MLLT10: variants seen among roughly 807,000 people sequenced by gnomAD.
MLLT10 encodes the protein protein AF-10.
A neutral mutation model predicts 129.1 loss-of-function variants in MLLT10; 30 were observed. That is an observed-to-expected ratio of 0.23 (90% CI 0.17 to 0.32). The LOEUF (loss-of-function observed/expected upper bound fraction) is 0.32. Among genes scored for constraint, MLLT10 ranks in the 10% least tolerant of loss-of-function variants. MLLT10 has a pLI of 1.00. For missense variants in MLLT10, 1,119 were observed against 1,268.3 expected, an observed-to-expected ratio of 0.88 and a Z score of 1.79; for synonymous variants, 490 against 446.4, an observed-to-expected ratio of 1.10 and a Z score of -1.23.
intron 3 of MLLT10, among the ~76,000 whole-genome samples, chr10:21,581,373 G>A (rs139212221): frequency 9.2e-4 from 139 of 151,678 alleles, no homozygotes; most frequent in African/African-American, 3.0e-3. Context: ...CATAGAAAAG[G>A]TACAGCTAAA....
intron 8 of MLLT10, among the ~76,000 whole-genome samples, chr10:21,622,716 G>A (rs1421264817): frequency 1.3e-5 from 2 of 152,138 alleles, no homozygotes; most frequent in African/African-American, 2.4e-5. Flanking sequence ...AAACGTGTGG[G>A]TTATTTTCTA....
At chr10:21,544,764 A>G (rs1186716409) in intron 3 of MLLT10, among the ~76,000 whole-genome samples, 2 of 152,208 alleles carry the variant, frequency 1.3e-5, no homozygotes, top group African/African-American at 4.8e-5. Flanking sequence ...ATTAATAAAT[A>G]TTAGAGCAGT....
At chr10:21,558,828 CTTT>C (rs2038419714) in intron 3 of MLLT10, among the ~76,000 whole-genome samples, 1 of 151,966 alleles carries the variant, frequency 6.6e-6, no homozygotes, top group African/African-American at 2.4e-5. Context: ...ACTTTGTGTT[CTTT>C]TTATGTGCCT....
At chr10:21,617,231 A>G in intron 8 of MLLT10, 24 bp downstream of exon 8, 1 of 1,352,298 alleles carries the variant, frequency 7.4e-7, no homozygotes, top group Non-Finnish European at 9.9e-7. Context: ...TTGTTGCTAA[A>G]TTTGTAGCAC....
Position 21,713,911 on chromosome 10 carries a change from A to G in MLLT10, c.1839A>G (p.Ser613=), listed in dbSNP as rs1012793633. The change falls in exon 14 of 23, where the codon TCA becomes TCG. Residue 613 remains serine (S), a synonymous_variant. Transcript: ENST00000307729. ...HLQQVGALSP[S]AVSSAAPAVA... Reference sequence around the variant, plus strand: ...AACAAGTAGGAGCGCTCTCTCCCTCAGCTGTGTCATCTGCAGCCCCTGCTG... The same window carrying G: ...AACAAGTAGGAGCGCTCTCTCCCTCGGCTGTGTCATCTGCAGCCCCTGCTG... 6.2e-7 allele frequency: 1 copy of G among 1,613,712 alleles called. No individual in the cohort carries two copies. The highest frequency in any genetic ancestry group is 8.5e-7 in the Non-Finnish European group (1 of 1,179,882).
At chr10:21,624,251 G>T (rs2046191806) in intron 8 of MLLT10, among the ~76,000 whole-genome samples, 1 of 151,956 alleles carries the variant, frequency 6.6e-6, no homozygotes, top group Non-Finnish European at 1.5e-5. Flanking sequence ...ATCTATCCTA[G>T]ATCCAAAAAA....
Position 21,674,541 on chromosome 10 carries a change from G to GA in MLLT10, c.1621+623dup, listed in dbSNP as rs369435986. On this transcript the variant is annotated intron_variant, in intron 11 of 22. Transcript: ENST00000307729. ...CTTTTTATTATAAGACAAGTGAGTT[G>GA]ATATACATTGTTATTCACACTATTG... is the stretch of plus-strand genomic sequence containing the variant. Among the ~76,000 whole-genome samples, 49 of 152,154 alleles carry GA rather than the reference G, an allele frequency of 3.2e-4. 2 individuals carry two copies. Among genetic ancestry groups the GA allele is most frequent in the African/African-American group, 1.1e-3 (46 of 41,522 alleles).
intron 8 of MLLT10, chr10:21,624,794 C>G: frequency 9.3e-7 from 1 of 1,073,154 alleles, no homozygotes; most frequent in South Asian, 1.5e-5. Flanking sequence ...ACATTGTCCC[C>G]TGATTGCCCT....
intron 3 of MLLT10, among the ~76,000 whole-genome samples, chr10:21,547,361 G>A (rs1404418530): frequency 6.7e-6 from 1 of 149,152 alleles, no homozygotes; most frequent in Admixed American, 6.7e-5. Context: ...TTTTTCCCTC[G>A]CACAATCTAT....
chr10:21,563,847 TTGTCGCCCAGGC>T (rs1246828292), intron 3 of MLLT10, among the ~76,000 whole-genome samples: 1 of 150,572 alleles, frequency 6.6e-6, no homozygotes, highest in Admixed American at 6.6e-5. Flanking sequence ...GAGTCTTGCT[TTGTCGCCCAGGC>T]TGGAGTGTGG....
intron 5 of MLLT10, among the ~76,000 whole-genome samples, chr10:21,608,920 T>G (rs1215321499): frequency 6.6e-6 from 1 of 152,220 alleles, no homozygotes; most frequent in Non-Finnish European, 1.5e-5. Context: ...GTGTTCTTTA[T>G]TTTTTAATTT....
At chr10:21,586,724 T>C (rs2042018937) in intron 4 of MLLT10, among the ~76,000 whole-genome samples, 1 of 152,112 alleles carries the variant, frequency 6.6e-6, no homozygotes, top group East Asian at 1.9e-4. Context: ...TGGTTTCTAC[T>C]AAAAATAGAA....
intron 9 of MLLT10, among the ~76,000 whole-genome samples, chr10:21,660,909 A>C (rs372677090): frequency 8.0e-5 from 12 of 149,450 alleles, no homozygotes; most frequent in Non-Finnish European, 1.5e-4. Context: ...TTGTTCTTCT[A>C]TCTTCTTTTC....
intron 9 of MLLT10, among the ~76,000 whole-genome samples, chr10:21,652,233 A>T (rs966980514): frequency 6.6e-6 from 1 of 151,950 alleles, no homozygotes; most frequent in Non-Finnish European, 1.5e-5. Context: ...TTCTTACCTT[A>T]TTCTACCTTC....
intron 4 of MLLT10, among the ~76,000 whole-genome samples, chr10:21,588,159 C>A (rs1283840905): frequency 1.3e-5 from 2 of 152,056 alleles, no homozygotes; most frequent in African/African-American, 4.8e-5. Flanking sequence ...CTCCACCTTC[C>A]GGGCTCAAGC....
intron 13 of MLLT10, among the ~76,000 whole-genome samples, chr10:21,700,659 T>C (rs1201942188): frequency 1.3e-5 from 2 of 152,196 alleles, no homozygotes; most frequent in African/African-American, 2.4e-5. Flanking sequence ...ATACCTATTA[T>C]GTTAAACCAT....
At chr10:21,626,873 A>C (rs1194588666) in intron 8 of MLLT10, among the ~76,000 whole-genome samples, 2 of 152,206 alleles carry the variant, frequency 1.3e-5, no homozygotes, top group Non-Finnish European at 2.9e-5. Context: ...AAGAGAGGAC[A>C]GGTCTTTTCA....
Position 21,727,857 on chromosome 10 carries a change from T to C in MLLT10, c.1992T>C (p.Asp664=), listed in dbSNP as rs750728260. 21 of 1,613,392 alleles carry C rather than the reference T, an allele frequency of 1.3e-5. No individual in the cohort carries two copies. The highest frequency in any genetic ancestry group is 1.6e-4 in the Middle Eastern group (1 of 6,084). ...LIAQSENNQT[D]QDLGDNSRNL... is the part of the protein sequence containing the mutation. ...AGCTCTGAAATATTTACACTACAGA[T>C]CAAGATCTTGGAGACAATAGCCGCA... Residue 664 remains aspartate, a splice_region_variant and synonymous_variant, in exon 16 of 23, where the codon GAT becomes GAC. Coordinates refer to ENST00000307729, the MANE Select transcript of MLLT10 (RefSeq NM_001195626.3).
intron 10 of MLLT10, 168 bp downstream of exon 10, chr10:21,670,872 A>AT (rs1010055314): frequency 4.3e-6 from 3 of 699,054 alleles, no homozygotes; most frequent in African/African-American, 1.8e-5. Flanking sequence ...TTCCTATTAA[A>AT]TTTTTTTAAT....
Sources: gnomAD v4.1 joint callset for allele counts (sites outside exome capture counted in the v4.1 genomes callset) on GRCh38, gnomAD v4.1.1 for gene constraint, MANE v1.5 for transcripts, NCBI Gene and HGNC (gene_info 2026-07-23, HGNC 2026-07-21) for gene names.